Variants in FIP1L1 observed in about 807,000 individuals in gnomAD.
The protein encoded by FIP1L1 is factor interacting with PAPOLA and CPSF1, also known as pre-mRNA 3'-end-processing factor FIP1.
FIP1L1 carries 21 observed loss-of-function variants against 84.6 expected under a neutral mutation model. The observed-to-expected ratio is 0.25, with a 90% CI of 0.18 to 0.36. FIP1L1 has a LOEUF of 0.36. FIP1L1 is among the 10% of genes least tolerant of loss of function. The probability of loss-of-function intolerance (pLI) is 1.00; values close to 1 mark genes in which losing one functional copy is unlikely to be tolerated. For missense variants in FIP1L1, 526 were observed against 751.1 expected (o/e 0.70, Z 3.50); for synonymous variants, 263 against 242.3 (o/e 1.09, Z -0.80).
At position 53,411,857 on chromosome 4, in the gene FIP1L1, G is replaced by A. The variant is rs577721359; in HGVS notation, c.816-2758G>A. ...TGCTTTGCTTAATCTTTAAACGTTA[G>A]CATCTTAACTTTTTGTGAAATACAT... On this transcript the variant is annotated intron_variant, in intron 10 of 17. Transcript: ENST00000337488. Among the ~76,000 whole-genome samples, 43 of 151,948 alleles carry A rather than the reference G, an allele frequency of 2.8e-4. 1 individual carries two copies. The highest frequency in any genetic ancestry group is 5.2e-4 in the Admixed American group (8 of 15,268).
intron 9 of FIP1L1, among the ~76,000 whole-genome samples, chr4:53,399,011 C>T (rs1748866434): frequency 6.6e-6 from 1 of 152,040 alleles, no homozygotes; most frequent in African/African-American, 2.4e-5. Flanking sequence ...CTTAGCCAGG[C>T]ATGGTGGTGC....
chr4:53,396,222 A>G (rs967886485), intron 9 of FIP1L1, among the ~76,000 whole-genome samples: 25 of 152,030 alleles, frequency 1.6e-4, no homozygotes, highest in Admixed American at 1.5e-3. Context: ...CCTGGCCACA[A>G]CTGTATTTTA....
Position 53,406,672 on chromosome 4 carries a change from T to A in FIP1L1, c.815+6833T>A, listed in dbSNP as rs370302901. ...TTTTGGTTGGTAAGCTATTGATTAT[T>A]GCCACAATTTCAGAGCCTATTATTG... On this transcript the variant is annotated intron_variant, in intron 10 of 17. Coordinates refer to ENST00000337488, the MANE Select transcript of FIP1L1 (RefSeq NM_030917.4). 5.6e-4 allele frequency among the ~76,000 whole-genome samples: 85 copies of A among 152,348 alleles called. 1 individual carries two copies. The South Asian group carries it at 0.017, about 30-fold the overall frequency.
chr4:53,428,294 G>C (rs1381710484), intron 13 of FIP1L1, 111 bp downstream of exon 13: 9 of 1,044,302 alleles, frequency 8.6e-6, no homozygotes, highest in Non-Finnish European at 1.2e-5. Context: ...AAAAGTAATA[G>C]ATATAATATC....
In FIP1L1 at chr4:53,421,272, A is replaced by G. The variant is rs763407060; in HGVS notation, c.924-4600A>G. ...TTTATGTGCTTCTCATTTAATTTAC[A>G]TTTTCTGCCTCTTTGAATGTCTTTT... On this transcript the variant is annotated intron_variant, in intron 11 of 17. Transcript: ENST00000337488. Among the ~76,000 whole-genome samples the G allele has an allele frequency of 5.3e-5, 8 of 152,124 alleles. No homozygotes were observed. The South Asian group carries it at 1.7e-3, about 32-fold the overall frequency.
intron 11 of FIP1L1, among the ~76,000 whole-genome samples, chr4:53,421,469 A>AC (rs1762400150): frequency 6.6e-6 from 1 of 152,198 alleles, no homozygotes; most frequent in African/African-American, 2.4e-5. Flanking sequence ...CATGTCTTTT[A>AC]AGGCTCATCT....
At chr4:53,451,926 C>T (rs1407969096) in intron 15 of FIP1L1, among the ~76,000 whole-genome samples, 4 of 150,830 alleles carry the variant, frequency 2.7e-5, no homozygotes, top group Non-Finnish European at 5.9e-5. Flanking sequence ...CTGTGTTGCC[C>T]AGTCCGGAGT....
chr4:53,452,479 C>T (rs940739809), intron 15 of FIP1L1, among the ~76,000 whole-genome samples: 11 of 152,202 alleles, frequency 7.2e-5, no homozygotes, highest in Middle Eastern at 6.8e-3. Context: ...CCACCATGCC[C>T]GGCAAATTTT....
At position 53,378,007 on chromosome 4, in the gene FIP1L1, G is replaced by C. The variant is rs184914946; in HGVS notation, c.85+84G>C. 2,225 of 1,232,312 alleles carry C rather than the reference G, an allele frequency of 1.8e-3. 15 individuals carry two copies. Among genetic ancestry groups the C allele is most frequent in the Middle Eastern group, 9.6e-3 (48 of 4,986 alleles). 76.3% of individuals were successfully genotyped at this position (1,232,312 alleles called of 1,614,324 possible). On this transcript the variant is annotated intron_variant, in intron 1 of 17. Transcript: ENST00000337488. ...AAACGGCCGGCGTCCCTGGCCTCTC[G>C]CGCCGCCGCTTCGGGCCTCTGGTTG...
chr4:53,418,139 ATTAAT>A (rs968755625), intron 11 of FIP1L1, among the ~76,000 whole-genome samples: 1 of 151,842 alleles, frequency 6.6e-6, no homozygotes, highest in African/African-American at 2.4e-5. Context: ...AAATACAAAA[ATTAAT>A]TGGGCATGGT....
chr4:53,388,728 T>C (rs1234248388), intron 5 of FIP1L1, among the ~76,000 whole-genome samples: 3 of 152,240 alleles, frequency 2.0e-5, no homozygotes, highest in Non-Finnish European at 4.4e-5. Context: ...AAGTCTCTTT[T>C]AATTAGTATA....
At chr4:53,417,943 T>C (rs888176081) in intron 11 of FIP1L1, among the ~76,000 whole-genome samples, 17 of 152,142 alleles carry the variant, frequency 1.1e-4, no homozygotes, top group African/African-American at 4.1e-4. Context: ...GAGGCATTGC[T>C]TAAATGTTTG....
intron 9 of FIP1L1, among the ~76,000 whole-genome samples, chr4:53,397,647 C>A (rs1051657213): frequency 7.2e-5 from 11 of 152,236 alleles, no homozygotes; most frequent in African/African-American, 2.7e-4. Context: ...TGTAAATAGT[C>A]TGGAATATCT....
intron 11 of FIP1L1, among the ~76,000 whole-genome samples, chr4:53,419,288 C>A (rs901667975): frequency 1.3e-5 from 2 of 152,022 alleles, no homozygotes; most frequent in Non-Finnish European, 2.9e-5. Context: ...TTAAAAAATT[C>A]AGACCCCAGA....
At chr4:53,458,619 A>AGG in intron 16 of FIP1L1, 34 bp from the exon 17 acceptor site, 1 of 1,601,690 alleles carries the variant, frequency 6.2e-7, no homozygotes, top group Non-Finnish European at 8.5e-7. Flanking sequence ...TTAATGGTCC[A>AGG]GTTGTCAAGA....
At chr4:53,427,477 G>T (rs201378031) in intron 12 of FIP1L1, among the ~76,000 whole-genome samples, 1 of 152,094 alleles carries the variant, frequency 6.6e-6, no homozygotes, top group East Asian at 1.9e-4. Flanking sequence ...AAAGTTACAA[G>T]GCTCACATGA....
At chr4:53,437,736 A>AT (rs1369778754) in intron 13 of FIP1L1, among the ~76,000 whole-genome samples, 2 of 151,292 alleles carry the variant, frequency 1.3e-5, no homozygotes, top group Non-Finnish European at 2.9e-5. Context: ...ATTTTATTTT[A>AT]TTTTTTTGAG....
intron 4 of FIP1L1, 106 bp from the exon 5 acceptor site, chr4:53,383,667 A>C (rs537715289): frequency 1.8e-6 from 2 of 1,130,748 alleles, no homozygotes; most frequent in South Asian, 3.3e-5. Context: ...GTCTCAAGAC[A>C]GAAGAAAGAA....
At chr4:53,395,752 GTGTGTA>G (rs1746903173) in intron 9 of FIP1L1, among the ~76,000 whole-genome samples, 2 of 152,054 alleles carry the variant, frequency 1.3e-5, no homozygotes, top group South Asian at 4.1e-4. Context: ...GTGCGTGTGT[GTGTGTA>G]TGTGTATATC....
Sources: allele counts gnomAD v4.1 joint callset (sites outside exome capture counted in the v4.1 genomes callset), GRCh38; gene constraint gnomAD v4.1.1; transcripts MANE v1.5; gene names NCBI Gene and HGNC (gene_info 2026-07-23, HGNC 2026-07-21).